Variants in ERMARD observed in about 807,000 individuals in gnomAD.
ERMARD encodes the protein ER membrane associated RNA degradation, also known as endoplasmic reticulum membrane-associated RNA degradation protein.
ERMARD carries 71 observed loss-of-function variants against 83.9 expected under a neutral mutation model. The ratio of observed to expected loss-of-function variants is 0.85; its 90% CI spans 0.70 to 1.03. The LOEUF (loss-of-function observed/expected upper bound fraction) is 1.03. Among genes scored for constraint, ERMARD ranks in the 50% least tolerant of loss-of-function variants. ERMARD has a pLI of 0.00. For missense variants in ERMARD, 838 were observed against 810.9 expected (o/e 1.03, Z -0.41); for synonymous variants, 284 against 298.6 (o/e 0.95, Z 0.50).
At chr6:169,778,861 G>A (rs796460793) in intron 16 of ERMARD, among the ~76,000 whole-genome samples, 14 of 152,354 alleles carry the variant, frequency 9.2e-5, no homozygotes, top group African/African-American at 3.4e-4. Context: ...GGGGGCTGCT[G>A]GGCGCAGACT....
At chr6:169,759,504 C>T (rs1363688060) in intron 6 of ERMARD, among the ~76,000 whole-genome samples, 2 of 152,126 alleles carry the variant, frequency 1.3e-5, no homozygotes, top group African/African-American at 4.8e-5. Flanking sequence ...ATTACAACCT[C>T]CTCCTCCCAG....
chr6:169,760,099 T>C lies in ERMARD; in HGVS notation c.742+125T>C, dbSNP rs1342847328. ...AGTTGTTCTTCAGTAGTCGGATGGC[T>C]TTCAGAGTTGCTTGAAGAACCTCCT... is the stretch of plus-strand genomic sequence containing the variant. On this transcript the variant is annotated intron_variant, in intron 7 of 17. Transcript: ENST00000366773. The C allele has an allele frequency of 2.0e-6, 3 of 1,496,830 alleles. No homozygotes were observed. In the East Asian group the frequency reaches 6.9e-5, roughly 34 times the overall value. The allele number at this position is 1,496,830 out of a possible 1,614,324, so 92.7% of individuals were successfully genotyped here. A position where few individuals can be genotyped will look rare whatever the true frequency, so the allele number is the denominator to read the frequency against.
chr6:169,754,071 C>A, intron 2 of ERMARD, 39 bp downstream of exon 2: 1 of 1,554,840 alleles, frequency 6.4e-7, no homozygotes, highest in Non-Finnish European at 8.7e-7. Context: ...TCATAACTGT[C>A]CCATTGAAAA....
intron 1 of ERMARD, chr6:169,751,909 CCT>C (rs1433185130): frequency 1.9e-6 from 1 of 532,988 alleles, no homozygotes; most frequent in East Asian, 3.6e-5. Context: ...TCCGTCGCCT[CCT>C]GGCCCTGAGC....
intron 17 of ERMARD, among the ~76,000 whole-genome samples, 166 bp from the exon 18 acceptor site, chr6:169,781,164 T>G (rs1794158429): frequency 6.6e-6 from 1 of 152,264 alleles, no homozygotes; most frequent in Non-Finnish European, 1.5e-5. Context: ...TCTTCTAATT[T>G]GTATTCTCTT....
chr6:169,764,320 G>A (rs773157249), intron 9 of ERMARD, among the ~76,000 whole-genome samples: 21 of 149,478 alleles, frequency 1.4e-4, no homozygotes, highest in Non-Finnish European at 2.5e-4. Context: ...GCTGAAGTGC[G>A]GTGGTGCAGT....
intron 5 of ERMARD, 114 bp from the exon 6 acceptor site, chr6:169,758,854 C>G (rs1459744361): frequency 6.7e-6 from 6 of 900,192 alleles, no homozygotes; most frequent in African/African-American, 1.7e-5. Context: ...CTGCTATATA[C>G]TAGCCAAAAC....
chr6:169,767,756 TACACACAC>T (rs59747825), intron 10 of ERMARD: 56 of 259,604 alleles, frequency 2.2e-4, no homozygotes, highest in African/African-American at 1.0e-3. Context: ...GCACATACAC[TACACACAC>T]ACACACACAC....
intron 17 of ERMARD, among the ~76,000 whole-genome samples, chr6:169,779,866 T>A (rs1162364144): frequency 6.6e-6 from 1 of 152,328 alleles, no homozygotes; most frequent in African/African-American, 2.4e-5. Flanking sequence ...AGTGTGACAC[T>A]TGTGTGACCC....
At chr6:169,772,481 G>A (rs1793060692) in intron 12 of ERMARD, among the ~76,000 whole-genome samples, 1 of 151,950 alleles carries the variant, frequency 6.6e-6, no homozygotes. Context: ...ATTGTAGGTA[G>A]TGGGCCAGGC....
At chr6:169,775,800 G>A (rs946105913) in intron 14 of ERMARD, 140 bp from the exon 15 acceptor site, 16 of 1,116,534 alleles carry the variant, frequency 1.4e-5, no homozygotes, top group Non-Finnish European at 1.7e-5. Flanking sequence ...TTGTCATGGT[G>A]GCTTTTTCCA....
intron 16 of ERMARD, among the ~76,000 whole-genome samples, chr6:169,778,023 G>A (rs1793791039): frequency 6.6e-6 from 1 of 152,214 alleles, no homozygotes; most frequent in African/African-American, 2.4e-5. Context: ...GACAGGACGC[G>A]TTTCCGTCGC....
rs769109818 is a variant in ERMARD at position 169,760,604 on chromosome 6, C to T, written c.743-38C>T. The T allele has an allele frequency of 2.2e-5, 31 of 1,392,516 alleles. No individual in the cohort carries two copies. In the Admixed American group the frequency reaches 5.6e-4, roughly 25 times the overall value. 86.3% of individuals were successfully genotyped at this position (1,392,516 alleles called of 1,614,324 possible). On this transcript the variant is annotated intron_variant, in intron 7 of 17. Coordinates refer to ENST00000366773, the MANE Select transcript of ERMARD (RefSeq NM_018341.3). ...ATGTTTCCATCTTTTTTCAGTTGAT[C>T]AGTATGATTGTGTTTAAAACCGTGT... is the stretch of plus-strand genomic sequence containing the variant.
chr6:169,775,438 T>C (rs1223463789), intron 14 of ERMARD, 92 bp downstream of exon 14: 2 of 1,415,026 alleles, frequency 1.4e-6, no homozygotes, highest in East Asian at 2.4e-5. Flanking sequence ...TGTGGGAAGA[T>C]AAAAGGGGAA....
chr6:169,777,784 C>A (rs1227533857), intron 16 of ERMARD, among the ~76,000 whole-genome samples: 2 of 152,152 alleles, frequency 1.3e-5, no homozygotes, highest in Non-Finnish European at 2.9e-5. Flanking sequence ...CCCTTCCCCC[C>A]ACCCACAGCT....
intron 12 of ERMARD, 62 bp from the exon 13 acceptor site, chr6:169,773,257 C>A: frequency 7.0e-7 from 1 of 1,429,778 alleles, no homozygotes; most frequent in Non-Finnish European, 9.8e-7. Context: ...GCCTACAGTT[C>A]AATAGAAGAA....
chr6:169,770,976 C>T (rs946823501), intron 12 of ERMARD: 3 of 151,476 alleles, frequency 2.0e-5, no homozygotes, highest in Admixed American at 6.6e-5. Flanking sequence ...TCTTTGGCTT[C>T]ACATTTGGAG....
chr6:169,780,509 C>T (rs1037003617), intron 17 of ERMARD, among the ~76,000 whole-genome samples: 2 of 152,192 alleles, frequency 1.3e-5, no homozygotes, highest in Non-Finnish European at 2.9e-5. Flanking sequence ...CAGAGTGACC[C>T]CGCTGTTAAC....
intron 6 of ERMARD, 121 bp from the exon 7 acceptor site, chr6:169,759,717 C>A: frequency 1.0e-6 from 1 of 973,254 alleles, no homozygotes; most frequent in Non-Finnish European, 1.5e-6. Flanking sequence ...CCACCGTGAT[C>A]GGACAGTTTC....
Sources: allele counts gnomAD v4.1 joint callset (sites outside exome capture counted in the v4.1 genomes callset), GRCh38; gene constraint gnomAD v4.1.1; transcripts MANE v1.5; gene names NCBI Gene and HGNC (gene_info 2026-07-23, HGNC 2026-07-21).